The following WWTR1 variants were observed in gnomAD, a reference collection of about 807,000 sequenced individuals.
The protein encoded by WWTR1 is WW domain-containing transcription regulator protein 1.
WWTR1 carries 13 observed loss-of-function variants against 40.1 expected under a neutral mutation model. That is an observed-to-expected ratio of 0.32 (90% CI 0.21 to 0.52). The LOEUF (loss-of-function observed/expected upper bound fraction) is 0.52. Ranked by LOEUF, WWTR1 falls within the 20% of genes least tolerant of loss-of-function variation. The pLI, the probability that WWTR1 is intolerant of heterozygous loss-of-function variation, is 0.97. For synonymous variants in WWTR1, 230 were observed against 210.1 expected, an observed-to-expected ratio of 1.09 and a Z score of -0.82; for missense variants, 436 against 523.1, an observed-to-expected ratio of 0.83 and a Z score of 1.63.
intron 2 of WWTR1, among the ~76,000 whole-genome samples, chr3:149,602,948 C>T (rs562850807): frequency 2.0e-4 from 31 of 152,136 alleles, no homozygotes; most frequent in African/African-American, 7.5e-4. Context: ...GCATGAGCCA[C>T]TGTGCCCGGC....
Position 149,539,576 on chromosome 3 carries a change from C to A in WWTR1, c.771+2759G>T, listed in dbSNP as rs115386266. Among the ~76,000 whole-genome samples the A allele has an allele frequency of 9.7e-3, 1,471 of 152,300 alleles. 32 individuals are homozygous for A. Among genetic ancestry groups the A allele is most frequent in the African/African-American group, 0.034 (1,397 of 41,550 alleles). Reference sequence around the variant, plus strand: ...CAAGGGATATTCAGGCAGTTGTTGACTACCCAGGACATAGGGGTAGGACAG... The same window carrying A: ...CAAGGGATATTCAGGCAGTTGTTGAATACCCAGGACATAGGGGTAGGACAG... On this transcript the variant is annotated intron_variant, in intron 4 of 6. Coordinates refer to ENST00000360632, the MANE Select transcript of WWTR1 (RefSeq NM_015472.6).
intron 2 of WWTR1, among the ~76,000 whole-genome samples, chr3:149,585,121 C>CGTGT (rs61655468): frequency 0.057 from 8,298 of 144,342 alleles, 546 homozygotes; most frequent in African/African-American, 0.16. Flanking sequence ...TGATTTCTTT[C>CGTGT]GTGTGTGTGT....
chr3:149,723,214 G>A lies in WWTR1; in HGVS notation n.459+866C>T, dbSNP rs1423638073. ...TTTTTTTTTTTTTTTTTGAGACAGAGTTTTGCTCCTGTTGCCCAGGCTGGA... is the reference window on the plus strand; with the variant it reads ...TTTTTTTTTTTTTTTTTGAGACAGAATTTTGCTCCTGTTGCCCAGGCTGGA... On this transcript the variant is annotated intron_variant and non_coding_transcript_variant, in intron 4 of 6. Transcript: ENST00000474080. Among the ~76,000 whole-genome samples, 8 of 118,134 alleles carry A rather than the reference G, an allele frequency of 6.8e-5. No individual in the cohort carries two copies. In the Admixed American group the frequency reaches 7.8e-4, roughly 11 times the overall value. The allele number at this position is 118,134 out of a possible 152,430, so 77.5% of individuals were successfully genotyped here.
At chr3:149,538,031 T>TGCCGCA (rs1216803494) in intron 4 of WWTR1, among the ~76,000 whole-genome samples, 2 of 151,962 alleles carry the variant, frequency 1.3e-5, no homozygotes, top group African/African-American at 4.8e-5. Flanking sequence ...GAGATTCTCC[T>TGCCGCA]GCCTCAGCCT....
chr3:149,529,578 A>G (rs896098887), intron 4 of WWTR1, among the ~76,000 whole-genome samples: 1 of 152,208 alleles, frequency 6.6e-6, no homozygotes, highest in African/African-American at 2.4e-5. Flanking sequence ...TTTTTGGTAA[A>G]AAGTGATTTT....
At chr3:149,533,935 G>C (rs1413510076) in intron 4 of WWTR1, among the ~76,000 whole-genome samples, 2 of 151,890 alleles carry the variant, frequency 1.3e-5, no homozygotes, top group Non-Finnish European at 1.5e-5. Context: ...TACTGTGTGT[G>C]AAACACTGTT....
chr3:149,683,779 C>A (rs1714538569), intron 1 of WWTR1, among the ~76,000 whole-genome samples: 1 of 151,968 alleles, frequency 6.6e-6, no homozygotes, highest in Non-Finnish European at 1.5e-5. Flanking sequence ...AGTGGAAAAC[C>A]AATGGGAAGG....
chr3:149,660,629 C>T (rs755929981), upstream of WWTR1, among the ~76,000 whole-genome samples: 1 of 152,202 alleles, frequency 6.6e-6, no homozygotes, highest in South Asian at 2.1e-4. Flanking sequence ...TAAGAGGCAG[C>T]ACAGTGGATA....
intron 2 of WWTR1, among the ~76,000 whole-genome samples, chr3:149,619,666 T>C (rs1490153605): frequency 6.6e-6 from 1 of 152,092 alleles, no homozygotes; most frequent in Non-Finnish European, 1.5e-5. Context: ...GGTTGATGAT[T>C]TCTTCAATCT....
chr3:149,665,218 C>A (rs771193857), intron 2 of WWTR1, among the ~76,000 whole-genome samples: 12 of 132,678 alleles, frequency 9.0e-5, no homozygotes, highest in Non-Finnish European at 1.7e-4. Flanking sequence ...TTAGAAATTT[C>A]CTTTCTTTCT....
chr3:149,611,310 C>T (rs981415971), intron 2 of WWTR1, among the ~76,000 whole-genome samples: 1 of 152,196 alleles, frequency 6.6e-6, no homozygotes, highest in Non-Finnish European at 1.5e-5. Flanking sequence ...CAGGCCAAGT[C>T]TAGCTGGCAG....
chr3:149,622,489 GGAAGGAAGGAAGGAAGAAAGAAAGAAA>G, intron 2 of WWTR1, among the ~76,000 whole-genome samples: 1 of 135,074 alleles, frequency 7.4e-6, no homozygotes, highest in East Asian at 2.3e-4. Flanking sequence ...AAGGAAGGAA[GGAAGGAAGGAAGGAAGAAAGAAAGAAA>G]GAAAGAAAGA....
chr3:149,541,208 T>C, intron 4 of WWTR1: 1 of 374,504 alleles, frequency 2.7e-6, no homozygotes, highest in Non-Finnish European at 5.2e-6. Context: ...AAAAAAAGCA[T>C]GAGACCTGAA....
intron 2 of WWTR1, among the ~76,000 whole-genome samples, chr3:149,619,891 C>T (rs1260994417): frequency 2.0e-5 from 3 of 152,120 alleles, no homozygotes; most frequent in Non-Finnish European, 4.4e-5. Context: ...CTCGTTCTCT[C>T]AGGATCTCAC....
At chr3:149,698,860 A>G (rs1224286593) in intron 1 of WWTR1, among the ~76,000 whole-genome samples, 1 of 152,196 alleles carries the variant, frequency 6.6e-6, no homozygotes, top group Non-Finnish European at 1.5e-5. Flanking sequence ...TGTGGGGAGC[A>G]GTGTTCCTGA....
rs1447463976 is a variant in WWTR1, at chr3:149,518,262, T to C, written c.*2543A>G. 3 of 152,128 alleles carry C rather than the reference T, an allele frequency of 2.0e-5. No homozygotes were observed. The highest frequency in any genetic ancestry group is 4.8e-5 in the African/African-American group (2 of 41,462). 9.4% of individuals were successfully genotyped at this position (152,128 alleles called of 1,614,324 possible). ...ACTAAAAAAATCTTCTAGTATTTTC[T>C]GATGCCACAAGCTTACTAGAAAATT... On this transcript the variant is annotated 3_prime_UTR_variant, in exon 7 of 7. Transcript: ENST00000360632.
intron 4 of WWTR1, among the ~76,000 whole-genome samples, chr3:149,718,481 T>C (rs1559849040): frequency 1.3e-5 from 2 of 152,260 alleles, no homozygotes. Context: ...GTAAAATATA[T>C]GTAACAAAAT....
chr3:149,549,385 C>T (rs1359431252), intron 3 of WWTR1, among the ~76,000 whole-genome samples: 1 of 152,208 alleles, frequency 6.6e-6, no homozygotes, highest in South Asian at 2.1e-4. Flanking sequence ...AAACCTATAA[C>T]TCCAGTCTAC....
At chr3:149,529,611 CCTT>C (rs1449294286) in intron 4 of WWTR1, among the ~76,000 whole-genome samples, 1 of 152,102 alleles carries the variant, frequency 6.6e-6, no homozygotes, top group African/African-American at 2.4e-5. Context: ...CTTGGAAGTG[CCTT>C]CTGAATAAAC....
Sources: gnomAD v4.1 joint callset for allele counts (sites outside exome capture counted in the v4.1 genomes callset) on GRCh38, gnomAD v4.1.1 for gene constraint, MANE v1.5 for transcripts, NCBI Gene and HGNC (gene_info 2026-07-23, HGNC 2026-07-21) for gene names.